Variants in NRXN1 observed in about 807,000 individuals in gnomAD.
The protein encoded by NRXN1 is neurexin-1.
NRXN1 carries 39 observed loss-of-function variants against 150.9 expected under a neutral mutation model. The ratio of observed to expected loss-of-function variants is 0.26; its 90% CI spans 0.20 to 0.34. NRXN1 has a LOEUF of 0.34. NRXN1 is among the 10% of genes least tolerant of loss of function. NRXN1 has a pLI of 1.00. For synonymous variants in NRXN1, 924 were observed against 757.0 expected (o/e 1.22, Z -3.62); for missense variants, 1,815 against 1,949.9 (o/e 0.93, Z 1.30).
intron 8 of NRXN1, among the ~76,000 whole-genome samples, chr2:50,553,810 C>T (rs1455326055): frequency 6.6e-6 from 1 of 152,202 alleles, no homozygotes; most frequent in Non-Finnish European, 1.5e-5. Flanking sequence ...AGGCTAGGCA[C>T]TTCTGAGTGC....
intron 18 of NRXN1, among the ~76,000 whole-genome samples, chr2:50,100,971 G>T (rs1700900872): frequency 6.6e-6 from 1 of 152,022 alleles, no homozygotes; most frequent in Non-Finnish European, 1.5e-5. Context: ...TGGATAGTTA[G>T]CCTAGTGGTC....
intron 12 of NRXN1, among the ~76,000 whole-genome samples, chr2:50,510,075 C>T (rs72835344): frequency 0.28 from 41,837 of 151,906 alleles, 6,808 homozygotes; most frequent in South Asian, 0.36. Context: ...TGACTTCAAG[C>T]CTTCAAAAAA....
At chr2:49,998,137 T>C (rs1056906807) in intron 21 of NRXN1, among the ~76,000 whole-genome samples, 7 of 152,114 alleles carry the variant, frequency 4.6e-5, no homozygotes, top group African/African-American at 9.7e-5. Flanking sequence ...GTGAAAACCA[T>C]AGAGGTCAAA....
At chr2:50,228,232 T>G (rs2064592737) in intron 18 of NRXN1, among the ~76,000 whole-genome samples, 1 of 152,112 alleles carries the variant, frequency 6.6e-6, no homozygotes, top group Admixed American at 6.6e-5. Flanking sequence ...TAAAATATAT[T>G]CTCAAAGTTA....
At chr2:50,263,799 G>T (rs1230792980) in intron 17 of NRXN1, among the ~76,000 whole-genome samples, 1 of 152,106 alleles carries the variant, frequency 6.6e-6, no homozygotes, top group East Asian at 1.9e-4. Context: ...CCTGTTTAGA[G>T]GGTGGCAGCT....
intron 17 of NRXN1, among the ~76,000 whole-genome samples, chr2:50,288,137 T>G (rs2072437431): frequency 6.6e-6 from 1 of 152,206 alleles, no homozygotes; most frequent in Non-Finnish European, 1.5e-5. Context: ...TTGTATCATA[T>G]GAATAACTTT....
At chr2:50,026,908 T>C (rs1330100538) in intron 21 of NRXN1, among the ~76,000 whole-genome samples, 1 of 120,168 alleles carries the variant, frequency 8.3e-6, no homozygotes, top group Admixed American at 1.1e-4. Flanking sequence ...TGAGACGGAG[T>C]CTCGTTCTGT....
chr2:50,238,095 A>G (rs1007108373), intron 17 of NRXN1, among the ~76,000 whole-genome samples: 1 of 152,014 alleles, frequency 6.6e-6, no homozygotes, highest in African/African-American at 2.4e-5. Flanking sequence ...TTCTTTATCA[A>G]TTACCCAGTC....
chr2:50,397,487 AC>A (rs2082124019), intron 17 of NRXN1, among the ~76,000 whole-genome samples: 1 of 152,116 alleles, frequency 6.6e-6, no homozygotes, highest in East Asian at 1.9e-4. Flanking sequence ...TGCCATTATT[AC>A]AGCCATGTTA....
At chr2:50,854,158 C>A (rs1195600768) in intron 5 of NRXN1, among the ~76,000 whole-genome samples, 4 of 151,990 alleles carry the variant, frequency 2.6e-5, no homozygotes. Context: ...TCTTTATTTT[C>A]CACTTTGAGA....
intron 17 of NRXN1, among the ~76,000 whole-genome samples, chr2:50,463,658 A>G (rs778000566): frequency 3.3e-5 from 5 of 151,810 alleles, no homozygotes; most frequent in Admixed American, 1.3e-4. Flanking sequence ...TTATGGTTGT[A>G]TCTTGGTGTT....
At chr2:50,839,150 C>A (rs1672513886) in intron 5 of NRXN1, among the ~76,000 whole-genome samples, 1 of 152,068 alleles carries the variant, frequency 6.6e-6, no homozygotes, top group African/African-American at 2.4e-5. Flanking sequence ...TCTGTTTAAA[C>A]TAAAAATAAA....
chr2:50,599,672 C>T (rs890629353), intron 8 of NRXN1, among the ~76,000 whole-genome samples: 4 of 152,028 alleles, frequency 2.6e-5, no homozygotes, highest in Non-Finnish European at 5.9e-5. Context: ...ACAATTTATT[C>T]GTCAGAATAA....
At chr2:49,926,938 T>C (rs748576412) in intron 22 of NRXN1, among the ~76,000 whole-genome samples, 15 of 152,160 alleles carry the variant, frequency 9.9e-5, no homozygotes, top group Non-Finnish European at 1.9e-4. Context: ...TGTTGCTTCC[T>C]CCATTCTCCT....
chr2:50,054,681 C>A (rs917426207), intron 20 of NRXN1, among the ~76,000 whole-genome samples: 1 of 152,022 alleles, frequency 6.6e-6, no homozygotes, highest in Non-Finnish European at 1.5e-5. Context: ...GCTGTGAGTA[C>A]CCTCATAGAT....
At chr2:50,252,800 T>C (rs1440079068) in intron 17 of NRXN1, among the ~76,000 whole-genome samples, 10 of 152,048 alleles carry the variant, frequency 6.6e-5, no homozygotes, top group Admixed American at 1.3e-4. Flanking sequence ...TGCCATGCTG[T>C]TTGGTTACTG....
At chr2:50,968,714 G>C (rs1037173226) in intron 2 of NRXN1, among the ~76,000 whole-genome samples, 6 of 151,502 alleles carry the variant, frequency 4.0e-5, no homozygotes, top group African/African-American at 1.5e-4. Flanking sequence ...CCGTTTATTT[G>C]CTCCTCTTCA....
intron 5 of NRXN1, among the ~76,000 whole-genome samples, chr2:50,741,593 C>T (rs1699434405): frequency 6.6e-6 from 1 of 151,846 alleles, no homozygotes; most frequent in South Asian, 2.1e-4. Context: ...TTGTGGGTTC[C>T]TAAAATACTG....
At chr2:50,209,841 G>A (rs779102287) in intron 18 of NRXN1, among the ~76,000 whole-genome samples, 1 of 140,626 alleles carries the variant, frequency 7.1e-6, no homozygotes, top group African/African-American at 2.7e-5. Flanking sequence ...TTAAATCTCA[G>A]TTGTACTTAA....
Sources: allele counts gnomAD v4.1 joint callset (sites outside exome capture counted in the v4.1 genomes callset), GRCh38; gene constraint gnomAD v4.1.1; transcripts MANE v1.5; gene names NCBI Gene and HGNC (gene_info 2026-07-23, HGNC 2026-07-21).